Variants in ABHD5 observed in about 807,000 individuals in gnomAD.
ABHD5 encodes abhydrolase domain containing 5, lysophosphatidic acid acyltransferase, also known as 1-acylglycerol-3-phosphate O-acyltransferase ABHD5.
In ABHD5, 30 loss-of-function variants were observed where a neutral mutation model predicts 44.9. The observed-to-expected ratio is 0.67, with a 90% CI of 0.50 to 0.91. The LOEUF (loss-of-function observed/expected upper bound fraction) is 0.91. ABHD5 is among the 40% of genes least tolerant of loss of function. The probability of loss-of-function intolerance (pLI) is 0.00; values close to 1 mark genes in which losing one functional copy is unlikely to be tolerated. For synonymous variants in ABHD5, 167 were observed against 147.0 expected (o/e 1.14, Z -0.99); for missense variants, 399 against 423.4 (o/e 0.94, Z 0.50).
chr3:43,710,200 T>A (rs2084670086), intron 3 of ABHD5, among the ~76,000 whole-genome samples: 2 of 152,214 alleles, frequency 1.3e-5, no homozygotes, highest in Non-Finnish European at 2.9e-5. Flanking sequence ...GAAGGCATAC[T>A]TCATAATTAA....
At chr3:43,702,998 A>T (rs1278287542) in intron 3 of ABHD5, among the ~76,000 whole-genome samples, 2 of 152,182 alleles carry the variant, frequency 1.3e-5, no homozygotes, top group Non-Finnish European at 2.9e-5. Context: ...TAGCTCTATG[A>T]CTTAGAGCAA....
downstream of ABHD5, among the ~76,000 whole-genome samples, chr3:43,726,771 A>G (rs2084880773): frequency 6.6e-6 from 1 of 152,198 alleles, no homozygotes; most frequent in African/African-American, 2.4e-5. Flanking sequence ...TGCTTGTTGC[A>G]AATGCAGACT....
At chr3:43,691,116 C>T in intron 1 of ABHD5, 77 bp downstream of exon 1, 3 of 1,386,830 alleles carry the variant, frequency 2.2e-6, no homozygotes, top group Non-Finnish European at 2.8e-6. Flanking sequence ...GCCCAGCGGG[C>T]AGCACCAAGG....
chr3:43,691,554 C>G (rs1340354857), intron 1 of ABHD5: 2 of 152,392 alleles, frequency 1.3e-5, no homozygotes, highest in African/African-American at 4.8e-5. Flanking sequence ...GACGATCCTT[C>G]CCGTAGCCGT....
At chr3:43,728,649 C>T (rs376482968) in intron 7 of ABHD5, among the ~76,000 whole-genome samples, 1 of 152,176 alleles carries the variant, frequency 6.6e-6, no homozygotes, top group Non-Finnish European at 1.5e-5. Flanking sequence ...TGTTAATTAC[C>T]GCTGTGATGT....
intron 5 of ABHD5, 50 bp downstream of exon 5, chr3:43,715,108 T>TGTGTGC: frequency 8.3e-7 from 1 of 1,200,668 alleles, no homozygotes; most frequent in South Asian, 1.2e-5. Flanking sequence ...TGTGTGTGTG[T>TGTGTGC]GTGTGTGTGT....
chr3:43,695,728 T>TA (rs1279194008), intron 1 of ABHD5, among the ~76,000 whole-genome samples: 2 of 152,198 alleles, frequency 1.3e-5, no homozygotes, highest in Non-Finnish European at 2.9e-5. Context: ...GTATGGAGTA[T>TA]AAGTATGACA....
chr3:43,710,091 A>C (rs2084669254), intron 3 of ABHD5, among the ~76,000 whole-genome samples: 1 of 152,272 alleles, frequency 6.6e-6, no homozygotes, highest in African/African-American at 2.4e-5. Flanking sequence ...AAAATATAAG[A>C]GTTAGTCTTT....
At chr3:43,702,123 T>A in intron 2 of ABHD5, 92 bp from the exon 3 acceptor site, 1 of 1,083,110 alleles carries the variant, frequency 9.2e-7, no homozygotes, top group South Asian at 1.6e-5. Context: ...GATTGGATAC[T>A]AGATGATTTG....
At chr3:43,690,924 G>C, upstream of ABHD5, 2 of 1,505,848 alleles carry the variant, frequency 1.3e-6, no homozygotes, top group South Asian at 2.5e-5. Flanking sequence ...TGCCGCGCCA[G>C]CCCGGGGCGG....
chr3:43,715,085 CTGTGTGTGTGTGTG>C (rs10662733), intron 5 of ABHD5, 27 bp downstream of exon 5: 72 of 846,740 alleles, frequency 8.5e-5, no homozygotes, highest in African/African-American at 1.4e-4. Flanking sequence ...TCAATTCACT[CTGTGTGTGTGTGTG>C]TGTGTGTGTG....
chr3:43,731,761 G>A (rs547421200), intron 7 of ABHD5, among the ~76,000 whole-genome samples: 40 of 152,308 alleles, frequency 2.6e-4, no homozygotes, highest in African/African-American at 9.6e-4. Context: ...GAACCCGGGA[G>A]ACGGGAGGTT....
intron 4 of ABHD5, 107 bp from the exon 5 acceptor site, chr3:43,714,824 ACATATATATATGTGTG>A (rs1400167826): frequency 1.6e-6 from 1 of 641,778 alleles, no homozygotes; most frequent in Non-Finnish European, 2.9e-6. Flanking sequence ...ATATTTGAAT[ACATATATATATGTGTG>A]CATATAACAC....
Position 43,731,998 on chromosome 3 carries a change from T to G in ABHD5, c.*30-1882T>G, listed in dbSNP as rs538076856. Among the ~76,000 whole-genome samples the G allele has an allele frequency of 4.6e-5, 7 of 152,188 alleles. No individual in the cohort carries two copies. The East Asian group carries it at 7.7e-4, about 17-fold the overall frequency. ...GAGAAAACTCACCACCCATGAAGTC[T>G]TCTGGAAAAAAGAAAGCATTTAATT... is the stretch of plus-strand genomic sequence containing the variant. On this transcript the variant is annotated intron_variant, in intron 7 of 7. Transcript: ENST00000454293.
intron 7 of ABHD5, among the ~76,000 whole-genome samples, chr3:43,731,781 T>C (rs934660839): frequency 6.6e-6 from 1 of 152,034 alleles, no homozygotes; most frequent in Non-Finnish European, 1.5e-5. Flanking sequence ...TGTGGTGAGC[T>C]GAGATCGTGC....
downstream of ABHD5, among the ~76,000 whole-genome samples, chr3:43,725,785 T>A (rs2084873333): frequency 6.6e-6 from 1 of 151,988 alleles, no homozygotes; most frequent in Non-Finnish European, 1.5e-5. Context: ...GAAATATTAG[T>A]CACAATGACC....
In ABHD5 at chr3:43,702,343, C is replaced by G. The variant is rs1042260491; in HGVS notation, c.262C>G (p.Leu88Val). The change falls in exon 3 of 7, where the codon CTT becomes GTT. Residue 88 changes from leucine to valine, a missense_variant. Physicochemically the swap from Leu to Val is conservative, Grantham distance 32. Transcript: ENST00000644371. ...CCTTCTCCATGGTTTTGGAGGAGGT[C>G]TTGGGCTCTGGGCACTGAATTTTGG... ...LVLLHGFGGG[L>V]GLWALNFGDL... The G allele has an allele frequency of 6.2e-7, 1 of 1,613,862 alleles. No homozygotes were observed. The highest frequency in any genetic ancestry group is 1.3e-5 in the African/African-American group (1 of 74,930).
intron 1 of ABHD5, among the ~76,000 whole-genome samples, chr3:43,692,838 A>C (rs991729645): frequency 6.6e-6 from 1 of 152,180 alleles, no homozygotes; most frequent in African/African-American, 2.4e-5. Flanking sequence ...ATTGGGACTC[A>C]TGTGGGATGT....
intron 4 of ABHD5, 91 bp downstream of exon 4, chr3:43,711,954 A>C: frequency 6.4e-7 from 1 of 1,565,382 alleles, no homozygotes; most frequent in Non-Finnish European, 8.8e-7. Context: ...AAAAACAAAC[A>C]AGAAAACCCT....
Sources: gnomAD v4.1 joint callset for allele counts (sites outside exome capture counted in the v4.1 genomes callset) on GRCh38, gnomAD v4.1.1 for gene constraint, MANE v1.5 for transcripts, NCBI Gene and HGNC (gene_info 2026-07-23, HGNC 2026-07-21) for gene names.